The following ANKIB1 variants were observed in gnomAD, a reference collection of about 807,000 sequenced individuals.
The protein encoded by ANKIB1 is ankyrin repeat and IBR domain containing 1.
ANKIB1 carries 43 observed loss-of-function variants against 122.1 expected under a neutral mutation model. The ratio of observed to expected loss-of-function variants is 0.35; its 90% confidence interval spans 0.28 to 0.45. ANKIB1 has a LOEUF of 0.45. Among genes scored for constraint, ANKIB1 ranks in the 20% least tolerant of loss-of-function variants. The pLI is 1.00. For missense variants in ANKIB1, 992 were observed against 1,329.5 expected (o/e 0.75, Z 3.95); for synonymous variants, 390 against 442.0 (o/e 0.88, Z 1.48).
At chr7:92,246,811 TC>T (rs1439245178) in intron 1 of ANKIB1, among the ~76,000 whole-genome samples, 1 of 152,144 alleles carries the variant, frequency 6.6e-6, no homozygotes, top group African/African-American at 2.4e-5. Flanking sequence ...TCTGTGTCCT[TC>T]CTCGCAGCCT....
At chr7:92,332,284 G>C (rs184532261) in intron 5 of ANKIB1, among the ~76,000 whole-genome samples, 1 of 152,146 alleles carries the variant, frequency 6.6e-6, no homozygotes, top group Non-Finnish European at 1.5e-5. Context: ...TACTATAATT[G>C]CTCTTAAAGC....
At chr7:92,248,906 G>C (rs925028635) in intron 1 of ANKIB1, among the ~76,000 whole-genome samples, 3 of 17,820 alleles carry the variant, frequency 1.7e-4, no homozygotes, top group Admixed American at 6.1e-4. Flanking sequence ...TTTTTTTTTT[G>C]AGATGGAGTC....
chr7:92,323,489 T>C (rs1802957922), intron 4 of ANKIB1, among the ~76,000 whole-genome samples: 1 of 152,214 alleles, frequency 6.6e-6, no homozygotes. Context: ...CCTTTTTGTC[T>C]TCTGAATTTG....
chr7:92,333,141 A>T (rs1474899183), intron 5 of ANKIB1, among the ~76,000 whole-genome samples: 1 of 152,168 alleles, frequency 6.6e-6, no homozygotes, highest in African/African-American at 2.4e-5. Flanking sequence ...TCTCAACTAC[A>T]CTACAGAAGA....
At chr7:92,357,928 T>TA (rs1803857377) in intron 9 of ANKIB1, among the ~76,000 whole-genome samples, 1 of 152,130 alleles carries the variant, frequency 6.6e-6, no homozygotes, top group African/African-American at 2.4e-5. Flanking sequence ...CCGTAGTTTT[T>TA]AAATATATTT....
intron 2 of ANKIB1, among the ~76,000 whole-genome samples, chr7:92,296,353 G>C (rs940658050): frequency 1.3e-4 from 19 of 151,944 alleles, no homozygotes; most frequent in Non-Finnish European, 8.8e-5. Context: ...TTCCCAAGTA[G>C]CTAGGACTAC....
intron 11 of ANKIB1, among the ~76,000 whole-genome samples, chr7:92,374,921 AG>A (rs1481153171): frequency 6.6e-6 from 1 of 152,176 alleles, no homozygotes; most frequent in African/African-American, 2.4e-5. Context: ...CACAATATGA[AG>A]AATAAGGGAG....
Position 92,351,657 on chromosome 7 carries a change from T to C in ANKIB1, c.1230+563T>C, listed in dbSNP as rs188367405. On this transcript the variant is annotated intron_variant, in intron 8 of 19. Transcript: ENST00000265742. ...TTTAAAAGTTACATTTTAACTGCTTTGTGCAGATTTTACTGAGTCTAATAT... is the reference window on the plus strand; with the variant it reads ...TTTAAAAGTTACATTTTAACTGCTTCGTGCAGATTTTACTGAGTCTAATAT... Among the ~76,000 whole-genome samples the C allele has an allele frequency of 9.8e-4, 149 of 152,144 alleles. 1 individual carries two copies. Among genetic ancestry groups the C allele is most frequent in the African/African-American group, 3.5e-3 (145 of 41,538 alleles).
At chr7:92,311,363 TG>T (rs1427522379) in intron 3 of ANKIB1, among the ~76,000 whole-genome samples, 1 of 152,172 alleles carries the variant, frequency 6.6e-6, no homozygotes, top group African/African-American at 2.4e-5. Flanking sequence ...TTGGAATAGA[TG>T]ATCTCAAATT....
Position 92,245,996 on chromosome 7 carries a change from C to T in ANKIB1, c.-614C>T, listed in dbSNP as rs28365965. The T allele has an allele frequency of 0.09, 21,040 of 234,902 alleles. 1,309 individuals are homozygous for T. Among genetic ancestry groups the T allele is most frequent in the East Asian group, 0.36 (1,950 of 5,394 alleles). 14.6% of individuals were successfully genotyped at this position (234,902 alleles called of 1,614,324 possible). A position where few individuals can be genotyped will look rare whatever the true frequency, so the allele number is the denominator to read the frequency against. On this transcript the variant is annotated 5_prime_UTR_variant, in exon 1 of 20. Transcript: ENST00000265742. ...TCCGGGTCGGCGGCCGGGCTGCTGC[C>T]GTTCCTGCTCCTTTTCACTGGACCT... is the stretch of plus-strand genomic sequence containing the variant.
intron 1 of ANKIB1, among the ~76,000 whole-genome samples, chr7:92,290,338 T>C (rs1198942558): frequency 6.6e-6 from 1 of 150,902 alleles, no homozygotes; most frequent in Non-Finnish European, 1.5e-5. Flanking sequence ...ATGCAGATAA[T>C]TGCAGAAGAC....
At chr7:92,304,397 G>T (rs1017070845) in intron 2 of ANKIB1, among the ~76,000 whole-genome samples, 9 of 152,130 alleles carry the variant, frequency 5.9e-5, no homozygotes, top group African/African-American at 2.2e-4. Context: ...GGATTGGCAA[G>T]AGAGTGTCTC....
chr7:92,337,410 AT>A (rs1364549965), intron 5 of ANKIB1, among the ~76,000 whole-genome samples: 2 of 152,046 alleles, frequency 1.3e-5, no homozygotes, highest in Non-Finnish European at 2.9e-5. Flanking sequence ...TTCAGGAGTA[AT>A]TTTTTAGATT....
chr7:92,372,316 A>G (rs981016821), intron 11 of ANKIB1, among the ~76,000 whole-genome samples: 17 of 152,194 alleles, frequency 1.1e-4, no homozygotes, highest in Admixed American at 3.3e-4. Flanking sequence ...TGTACATTGT[A>G]AGATACTATA....
rs1001650790 is a variant in ANKIB1 at position 92,399,013 on chromosome 7, T to G, written c.*64T>G. 1.4e-6 allele frequency: 2 copies of G among 1,455,878 alleles called. No homozygotes were observed. Among genetic ancestry groups the G allele is most frequent in the African/African-American group, 2.8e-5 (2 of 70,408 alleles). The allele number at this position is 1,455,878 out of a possible 1,614,324, so 90.2% of individuals were successfully genotyped here. ...GATGGTATGCTAGGTGGAGTATGCT[T>G]GATAGAGACTTTGATTCACTTAATT... On this transcript the variant is annotated 3_prime_UTR_variant, in exon 20 of 20. Coordinates refer to ENST00000265742, the MANE Select transcript of ANKIB1 (RefSeq NM_019004.2).
At chr7:92,377,749 T>C (rs1804416377) in intron 11 of ANKIB1, among the ~76,000 whole-genome samples, 1 of 152,164 alleles carries the variant, frequency 6.6e-6, no homozygotes, top group Non-Finnish European at 1.5e-5. Context: ...GTATTATTTA[T>C]TAAAACTGAT....
intron 10 of ANKIB1, among the ~76,000 whole-genome samples, chr7:92,368,726 A>C (rs1362770617): frequency 6.6e-6 from 1 of 152,192 alleles, no homozygotes; most frequent in African/African-American, 2.4e-5. Flanking sequence ...GTCTCAAAAA[A>C]AAAAAAAATG....
chr7:92,352,992 G>A (rs962519972), intron 9 of ANKIB1, among the ~76,000 whole-genome samples: 18 of 152,154 alleles, frequency 1.2e-4, no homozygotes, highest in African/African-American at 4.1e-4. Flanking sequence ...TTGATTTAAA[G>A]CCCATGTGCC....
rs1800994296 is a variant in ANKIB1, at chr7:92,246,300, C to G, written c.-310C>G. 2.4e-6 allele frequency: 1 copy of G among 408,210 alleles called. No homozygotes were observed. Among genetic ancestry groups the G allele is most frequent in the Non-Finnish European group, 4.8e-6 (1 of 208,886 alleles). 25.3% of individuals were successfully genotyped at this position (408,210 alleles called of 1,614,324 possible). On this transcript the variant is annotated 5_prime_UTR_variant, in exon 1 of 20. Transcript: ENST00000265742. The stretch of plus-strand genomic sequence containing the variant: ...AGCCTCGCCGCGGGCGCCTTCGGCT[C>G]ACGCAGCGCTTCCCGCGGGCCGCCA...
Sources: allele counts gnomAD v4.1 joint callset (sites outside exome capture counted in the v4.1 genomes callset), GRCh38; gene constraint gnomAD v4.1.1; transcripts MANE v1.5; gene names NCBI Gene and HGNC (gene_info 2026-07-23, HGNC 2026-07-21).